The following SEMA5A variants were observed in gnomAD, a reference collection of about 807,000 sequenced individuals.
The protein encoded by SEMA5A is semaphorin-5A.
A neutral mutation model predicts 135.5 loss-of-function variants in SEMA5A; 55 were observed. The observed-to-expected ratio is 0.41, with a 90% CI of 0.33 to 0.51. The LOEUF (loss-of-function observed/expected upper bound fraction) is 0.51. Ranked by LOEUF, SEMA5A falls within the 20% of genes least tolerant of loss-of-function variation. The probability of loss-of-function intolerance (pLI) is 0.37; values close to 1 mark genes in which losing one functional copy is unlikely to be tolerated. For missense variants in SEMA5A, 1,290 were observed against 1,419.9 expected (o/e 0.91, Z 1.47); for synonymous variants, 580 against 546.5 (o/e 1.06, Z -0.85).
chr5:9,479,880 A>G (rs1394312272), intron 1 of SEMA5A, among the ~76,000 whole-genome samples: 1 of 152,224 alleles, frequency 6.6e-6, no homozygotes, highest in East Asian at 1.9e-4. Context: ...GATCACACAC[A>G]TCACCTCTAA....
chr5:9,218,057 C>A (rs768630611), intron 8 of SEMA5A, among the ~76,000 whole-genome samples: 2 of 151,880 alleles, frequency 1.3e-5, no homozygotes, highest in Admixed American at 6.6e-5. Context: ...AGGGTAGAGG[C>A]GGGGAGGAGG....
At position 9,040,822 on chromosome 5, in the gene SEMA5A, C is replaced by T. The variant is rs138529081; in HGVS notation, c.*2075G>A. The T allele has an allele frequency of 1.3e-5, 2 of 152,170 alleles. No homozygotes were observed. The highest frequency in any genetic ancestry group is 2.4e-5 in the African/African-American group (1 of 41,438). 9.4% of individuals were successfully genotyped at this position (152,170 alleles called of 1,614,324 possible). A position where few individuals can be genotyped will look rare whatever the true frequency, so the allele number is the denominator to read the frequency against. On this transcript the variant is annotated 3_prime_UTR_variant, in exon 23 of 23. Transcript: ENST00000382496. Reference sequence around the variant, plus strand: ...CTTTACCAGGGAAAATAAAATGTCCCTTTAAGCTTACAAACTATTAGGGAA... The same window carrying T: ...CTTTACCAGGGAAAATAAAATGTCCTTTTAAGCTTACAAACTATTAGGGAA...
At chr5:9,137,069 G>A (rs974965665) in intron 12 of SEMA5A, among the ~76,000 whole-genome samples, 2 of 152,094 alleles carry the variant, frequency 1.3e-5, no homozygotes, top group African/African-American at 4.8e-5. Context: ...ACGCTTAAAC[G>A]ATTTGATAGG....
chr5:9,507,955 G>T (rs1435955555), intron 1 of SEMA5A, among the ~76,000 whole-genome samples: 2 of 149,872 alleles, frequency 1.3e-5, no homozygotes, highest in African/African-American at 2.5e-5. Flanking sequence ...AGTAAGCCAA[G>T]ATTGCGCCAC....
chr5:9,457,273 G>T (rs749347256), intron 1 of SEMA5A, among the ~76,000 whole-genome samples: 3 of 152,214 alleles, frequency 2.0e-5, no homozygotes, highest in African/African-American at 7.2e-5. Context: ...CCTCAGAGGA[G>T]TAGAAATCGC....
At chr5:9,181,111 G>A (rs1047668797) in intron 11 of SEMA5A, among the ~76,000 whole-genome samples, 1 of 152,082 alleles carries the variant, frequency 6.6e-6, no homozygotes, top group Non-Finnish European at 1.5e-5. Context: ...CAGGCCCCCA[G>A]GTACATCAGG....
At chr5:9,494,977 A>G (rs1275128467) in intron 1 of SEMA5A, among the ~76,000 whole-genome samples, 1 of 152,216 alleles carries the variant, frequency 6.6e-6, no homozygotes, top group Non-Finnish European at 1.5e-5. Context: ...AACTGTCCAT[A>G]TATATTAAAA....
chr5:9,091,273 A>G (rs146381554), intron 16 of SEMA5A, among the ~76,000 whole-genome samples: 1 of 152,242 alleles, frequency 6.6e-6, no homozygotes, highest in Non-Finnish European at 1.5e-5. Flanking sequence ...ATAGAAGCCA[A>G]CTGTCAGAAT....
rs1754288041 is a variant in SEMA5A at position 9,353,354 on chromosome 5, G to GGAAAGGAAAGGAAAGGGAAGGAAAGGA, written c.125-15543_125-15542insTCCTTTCCTTCCCTTTCCTTTCCTTTC. On this transcript the variant is annotated intron_variant, in intron 3 of 22. Coordinates refer to ENST00000382496, the MANE Select transcript of SEMA5A (RefSeq NM_003966.3). The stretch of plus-strand genomic sequence containing the variant: ...AAAGGAAATGAAAGGAAAGGAAAGG[G>GGAAAGGAAAGGAAAGGGAAGGAAAGGA]AAGGAAAGGAAAGGAAAGGAAAGGA... Among the ~76,000 whole-genome samples the GGAAAGGAAAGGAAAGGGAAGGAAAGGA allele has an allele frequency of 1.2e-3, 67 of 54,408 alleles. 4 individuals are homozygous for GGAAAGGAAAGGAAAGGGAAGGAAAGGA. The highest frequency in any genetic ancestry group is 1.9e-3 in the Non-Finnish European group (52 of 27,546). 35.7% of individuals were successfully genotyped at this position (54,408 alleles called of 152,430 possible).
intron 11 of SEMA5A, among the ~76,000 whole-genome samples, chr5:9,160,801 G>T (rs917840546): frequency 2.0e-5 from 3 of 152,002 alleles, no homozygotes; most frequent in Admixed American, 1.3e-4. Flanking sequence ...ATGACCAAAA[G>T]AAAAAGCAAA....
intron 11 of SEMA5A, among the ~76,000 whole-genome samples, chr5:9,188,655 T>C (rs537406606): frequency 6.6e-6 from 1 of 152,146 alleles, no homozygotes; most frequent in Non-Finnish European, 1.5e-5. Flanking sequence ...TGGACATTTA[T>C]GGTGAAAAAC....
At chr5:9,106,034 A>G (rs2150151004) in intron 16 of SEMA5A, among the ~76,000 whole-genome samples, 1 of 152,294 alleles carries the variant, frequency 6.6e-6, no homozygotes. Context: ...TAGGACAGAC[A>G]GAAACCAAAA....
chr5:9,081,970 GT>G (rs1178706051), intron 16 of SEMA5A, among the ~76,000 whole-genome samples: 1 of 152,136 alleles, frequency 6.6e-6, no homozygotes, highest in African/African-American at 2.4e-5. Context: ...AGCATCTGTT[GT>G]CAGGAAAAAC....
intron 13 of SEMA5A, among the ~76,000 whole-genome samples, chr5:9,128,047 A>G (rs936313196): frequency 1.3e-5 from 2 of 152,204 alleles, no homozygotes; most frequent in African/African-American, 4.8e-5. Flanking sequence ...CAAAGAGGCT[A>G]AGGTAGGGAC....
intron 5 of SEMA5A, among the ~76,000 whole-genome samples, chr5:9,248,811 C>T (rs1404815936): frequency 6.6e-6 from 1 of 152,110 alleles, no homozygotes; most frequent in East Asian, 1.9e-4. Context: ...CAAATTATTT[C>T]CCCCAAACTT....
chr5:9,251,917 T>C (rs1748815040), intron 5 of SEMA5A, among the ~76,000 whole-genome samples: 1 of 152,114 alleles, frequency 6.6e-6, no homozygotes, highest in African/African-American at 2.4e-5. Flanking sequence ...TCTTACACAG[T>C]AGGTAGAAAG....
chr5:9,428,938 G>A (rs1291086062), intron 2 of SEMA5A, among the ~76,000 whole-genome samples: 8 of 152,218 alleles, frequency 5.3e-5, no homozygotes, highest in Middle Eastern at 3.4e-3. Flanking sequence ...TTGGGAAGAC[G>A]GATGCAATAA....
intron 16 of SEMA5A, among the ~76,000 whole-genome samples, chr5:9,098,946 T>A (rs779761110): frequency 6.6e-6 from 1 of 152,340 alleles, no homozygotes; most frequent in Admixed American, 6.5e-5. Flanking sequence ...TTGCAATCAC[T>A]GTATTTGAAT....
Position 9,122,899 on chromosome 5 carries a change from A to T in SEMA5A, c.1600-62T>A, listed in dbSNP as rs951762050. On this transcript the variant is annotated intron_variant, in intron 13 of 22. Coordinates refer to ENST00000382496, the MANE Select transcript of SEMA5A (RefSeq NM_003966.3). ...TTAAAGCTGAACACATAATGGAGTA[A>T]AAATTAAAAATCCCTCATAAGACAA... 4 of 1,367,800 alleles carry T rather than the reference A, an allele frequency of 2.9e-6. No homozygotes were observed. The African/African-American group carries it at 5.9e-5, about 20-fold the overall frequency. 84.7% of individuals were successfully genotyped at this position (1,367,800 alleles called of 1,614,324 possible).
Sources: allele counts gnomAD v4.1 joint callset (sites outside exome capture counted in the v4.1 genomes callset), GRCh38; gene constraint gnomAD v4.1.1; transcripts MANE v1.5; gene names NCBI Gene and HGNC (gene_info 2026-07-23, HGNC 2026-07-21).